Variants in RNLS observed in about 807,000 individuals in gnomAD.
RNLS encodes the protein renalase, FAD dependent amine oxidase.
RNLS carries 39 observed loss-of-function variants against 39.8 expected under a neutral mutation model. The observed-to-expected ratio is 0.98, with a 90% CI of 0.76 to 1.28. The LOEUF (loss-of-function observed/expected upper bound fraction) is 1.28, where lower values mean the gene tolerates loss of function less well. Ranked by LOEUF, RNLS falls within the 50% of genes most tolerant of loss-of-function variation. The probability of loss-of-function intolerance (pLI) is 0.00; values close to 1 mark genes in which losing one functional copy is unlikely to be tolerated. For missense variants in RNLS, 410 were observed against 413.3 expected, an observed-to-expected ratio of 0.99 and a Z score of 0.07; for synonymous variants, 147 against 150.7, an observed-to-expected ratio of 0.98 and a Z score of 0.18.
At chr10:88,251,476 T>C in the RNLS span, among the ~76,000 whole-genome samples, 1 of 152,248 alleles carries the variant, frequency 6.6e-6, no homozygotes, top group Non-Finnish European at 1.5e-5. Flanking sequence ...CTAAGCATAC[T>C]AATAAACAGG....
intron 4 of RNLS, among the ~76,000 whole-genome samples, chr10:88,374,396 A>C: frequency 6.6e-6 from 1 of 152,132 alleles, no homozygotes; most frequent in East Asian, 1.9e-4. Flanking sequence ...AATTAACCAA[A>C]GCACCTCTTA....
chr10:88,256,370 C>T, the RNLS span, among the ~76,000 whole-genome samples: 2 of 152,212 alleles, frequency 1.3e-5, no homozygotes, highest in Non-Finnish European at 2.9e-5. Context: ...AAATTTGGAG[C>T]TCTGATGTAG....
At chr10:88,481,444 T>C (rs1226363955) in intron 4 of RNLS, among the ~76,000 whole-genome samples, 2 of 152,172 alleles carry the variant, frequency 1.3e-5, no homozygotes, top group Non-Finnish European at 2.9e-5. Flanking sequence ...TTTTAATTCC[T>C]ATATTGATTT....
the RNLS span, among the ~76,000 whole-genome samples, chr10:88,244,074 G>C: frequency 6.6e-6 from 1 of 152,204 alleles, no homozygotes. Context: ...TGTCCTGATG[G>C]CTTCTCTCAA....
chr10:88,503,722 T>G (rs935001991), intron 4 of RNLS, among the ~76,000 whole-genome samples: 4 of 152,202 alleles, frequency 2.6e-5, no homozygotes, highest in Non-Finnish European at 4.4e-5. Flanking sequence ...TTTCAAGATA[T>G]GTTCACATCT....
the RNLS span, among the ~76,000 whole-genome samples, chr10:88,221,688 T>C: frequency 6.6e-6 from 1 of 152,254 alleles, no homozygotes; most frequent in Non-Finnish European, 1.5e-5. Flanking sequence ...ATCTTCCATT[T>C]TGGAGTACTG....
At chr10:88,213,380 C>A in the RNLS span, among the ~76,000 whole-genome samples, 1 of 151,786 alleles carries the variant, frequency 6.6e-6, no homozygotes, top group African/African-American at 2.4e-5. Flanking sequence ...AAGAATCATA[C>A]CCCTTTATTT....
chr10:88,474,518 C>G (rs1843700794), intron 4 of RNLS, among the ~76,000 whole-genome samples: 3 of 152,176 alleles, frequency 2.0e-5, no homozygotes. Flanking sequence ...AAGGCGGTGA[C>G]TCTCCTAGTT....
intron 3 of RNLS, among the ~76,000 whole-genome samples, chr10:88,573,335 C>T (rs2134450405): frequency 6.6e-6 from 1 of 152,306 alleles, no homozygotes; most frequent in South Asian, 2.1e-4. Flanking sequence ...AGCTACTTTT[C>T]ATTAAGCAGC....
At chr10:88,455,391 C>T (rs1444781699) in intron 4 of RNLS, among the ~76,000 whole-genome samples, 2 of 152,124 alleles carry the variant, frequency 1.3e-5, no homozygotes, top group Non-Finnish European at 2.9e-5. Context: ...CCTCTAACTA[C>T]ATGGCCTTAT....
chr10:88,554,045 A>G (rs2134350791), intron 4 of RNLS, among the ~76,000 whole-genome samples: 1 of 152,248 alleles, frequency 6.6e-6, no homozygotes, highest in African/African-American at 2.4e-5. Context: ...TTATAAAAAT[A>G]TATATGGAAA....
chr10:88,236,774 T>G, the RNLS span, among the ~76,000 whole-genome samples: 8 of 152,176 alleles, frequency 5.3e-5, no homozygotes, highest in Non-Finnish European at 1.2e-4. Flanking sequence ...GATGGAATGA[T>G]GAAATGAGAT....
At chr10:88,387,093 A>ATAGC (rs1851906398) in intron 4 of RNLS, among the ~76,000 whole-genome samples, 1 of 152,234 alleles carries the variant, frequency 6.6e-6, no homozygotes, top group African/African-American at 2.4e-5. Context: ...TGAACATGGA[A>ATAGC]TAGCTGTCCT....
chr10:88,327,740 G>C (rs956546157), intron 5 of RNLS, among the ~76,000 whole-genome samples: 13 of 152,050 alleles, frequency 8.5e-5, no homozygotes, highest in Non-Finnish European at 1.3e-4. Context: ...TTGACATTTT[G>C]TATGTATGTA....
chr10:88,337,859 T>C (rs1847626413), intron 5 of RNLS, among the ~76,000 whole-genome samples: 1 of 152,218 alleles, frequency 6.6e-6, no homozygotes, highest in Non-Finnish European at 1.5e-5. Context: ...GGCATATTTA[T>C]GCTCGTTCTT....
chr10:88,578,448 C>T (rs1850335231), intron 3 of RNLS, among the ~76,000 whole-genome samples: 2 of 151,728 alleles, frequency 1.3e-5, no homozygotes, highest in South Asian at 4.2e-4. Flanking sequence ...GTTAAAGGGA[C>T]TTAAAGAATG....
chr10:88,228,435 A>G, the RNLS span, among the ~76,000 whole-genome samples: 1 of 152,300 alleles, frequency 6.6e-6, no homozygotes, highest in Middle Eastern at 3.4e-3. Context: ...GTCCAGAAAG[A>G]ACCCACTTCA....
chr10:88,391,435 G>T (rs1203693580), intron 4 of RNLS, among the ~76,000 whole-genome samples: 1 of 152,162 alleles, frequency 6.6e-6, no homozygotes, highest in East Asian at 1.9e-4. Flanking sequence ...GTAGGCACCT[G>T]TAGTCCCAGC....
intron 4 of RNLS, among the ~76,000 whole-genome samples, chr10:88,461,010 A>T (rs919838301): frequency 6.6e-5 from 10 of 152,140 alleles, no homozygotes; most frequent in Non-Finnish European, 1.5e-4. Context: ...GTCTGTGGAA[A>T]GGTGGAGATA....
Sources: allele counts gnomAD v4.1 joint callset (sites outside exome capture counted in the v4.1 genomes callset), GRCh38; gene constraint gnomAD v4.1.1; transcripts MANE v1.5; gene names NCBI Gene and HGNC (gene_info 2026-07-23, HGNC 2026-07-21).